NCALD: variants seen among roughly 807,000 people sequenced by gnomAD.
The protein encoded by NCALD is neurocalcin delta.
A neutral mutation model predicts 18.6 loss-of-function variants in NCALD; 10 were observed. The ratio of observed to expected loss-of-function variants is 0.54; its 90% CI spans 0.33 to 0.91. The LOEUF is 0.91. NCALD is among the 40% of genes least tolerant of loss of function. NCALD has a pLI of 0.03. For missense variants in NCALD, 184 were observed against 247.6 expected, an observed-to-expected ratio of 0.74 and a Z score of 1.72; for synonymous variants, 88 against 87.4, an observed-to-expected ratio of 1.01 and a Z score of -0.04.
chr8:101,893,161 T>C (rs997621333), intron 3 of NCALD, among the ~76,000 whole-genome samples: 3,164 of 151,780 alleles, frequency 0.021, 114 homozygotes, highest in African/African-American at 0.073. Flanking sequence ...TAACAGCGGA[T>C]CTCTCAGCAG....
upstream of NCALD, among the ~76,000 whole-genome samples, chr8:101,795,271 T>C (rs1318629658): frequency 1.3e-5 from 2 of 152,188 alleles, no homozygotes; most frequent in African/African-American, 4.8e-5. Flanking sequence ...GCAAAAATTT[T>C]AAGTGCCAGG....
intron 4 of NCALD, among the ~76,000 whole-genome samples, chr8:101,816,449 C>T (rs12334693): frequency 0.8 from 121,035 of 152,080 alleles, 48,335 homozygotes; most frequent in African/African-American, 0.85. Context: ...AAATAATTCA[C>T]ATCTTACTTT....
At chr8:101,760,586 G>A (rs994671505) in intron 1 of NCALD, among the ~76,000 whole-genome samples, 6 of 152,208 alleles carry the variant, frequency 3.9e-5, no homozygotes, top group Non-Finnish European at 7.3e-5. Flanking sequence ...AAAAGCCAGC[G>A]TGCATTCGTG....
intron 1 of NCALD, among the ~76,000 whole-genome samples, chr8:101,732,181 C>G (rs1419758226): frequency 6.6e-6 from 1 of 152,218 alleles, no homozygotes; most frequent in African/African-American, 2.4e-5. Context: ...GTCCGCTTAA[C>G]TAGGGTACTA....
intron 4 of NCALD, among the ~76,000 whole-genome samples, chr8:101,885,457 G>T (rs1237690430): frequency 6.6e-6 from 1 of 152,174 alleles, no homozygotes; most frequent in Non-Finnish European, 1.5e-5. Flanking sequence ...TGTTGAAGAA[G>T]CCATCCTCTT....
At chr8:101,781,711 A>T (rs991125294) in intron 1 of NCALD, among the ~76,000 whole-genome samples, 1 of 152,220 alleles carries the variant, frequency 6.6e-6, no homozygotes, top group African/African-American at 2.4e-5. Flanking sequence ...GAGTGAAATT[A>T]TCATCAATAT....
chr8:102,001,249 T>A (rs1412037597), intron 2 of NCALD, among the ~76,000 whole-genome samples: 2 of 152,176 alleles, frequency 1.3e-5, no homozygotes, highest in Non-Finnish European at 2.9e-5. Flanking sequence ...CAGTAGCTGA[T>A]TCGATCAACT....
At chr8:102,060,676 G>A (rs1823818502) in intron 1 of NCALD, among the ~76,000 whole-genome samples, 1 of 152,120 alleles carries the variant, frequency 6.6e-6, no homozygotes, top group Non-Finnish European at 1.5e-5. Flanking sequence ...TGCCAGGCAA[G>A]TACGGAAAAT....
chr8:101,767,211 T>C lies in NCALD; in HGVS notation c.-20+23651A>G, dbSNP rs756369193. Among the ~76,000 whole-genome samples, 3 of 152,178 alleles carry C rather than the reference T, an allele frequency of 2.0e-5. No individual in the cohort carries two copies. In the East Asian group the frequency reaches 5.8e-4, roughly 29 times the overall value. On this transcript the variant is annotated intron_variant, in intron 1 of 3. Coordinates refer to ENST00000220931, the MANE Select transcript of NCALD (RefSeq NM_032041.3). ...GTTATCTGTAAAGTCAAAATAATAA[T>C]AGATGTACTAGAATTATAATAAAAA... is the stretch of plus-strand genomic sequence containing the variant.
chr8:101,960,837 G>A (rs933815716), intron 2 of NCALD, among the ~76,000 whole-genome samples: 4 of 151,846 alleles, frequency 2.6e-5, no homozygotes, highest in African/African-American at 4.8e-5. Flanking sequence ...TGAATATACC[G>A]GCTCCTTCCC....
intron 1 of NCALD, among the ~76,000 whole-genome samples, chr8:101,764,515 G>A (rs1811263362): frequency 6.6e-6 from 1 of 152,310 alleles, no homozygotes; most frequent in African/African-American, 2.4e-5. Context: ...CATTGGAGTG[G>A]GTTTAGGATG....
intron 1 of NCALD, among the ~76,000 whole-genome samples, chr8:102,108,886 CA>C (rs1825558419): frequency 6.6e-6 from 1 of 152,158 alleles, no homozygotes; most frequent in South Asian, 2.1e-4. Context: ...ACCAGAAAAA[CA>C]GACAGAATTA....
At chr8:101,914,136 T>C (rs1817896088) in intron 3 of NCALD, among the ~76,000 whole-genome samples, 1 of 152,228 alleles carries the variant, frequency 6.6e-6, no homozygotes, top group Non-Finnish European at 1.5e-5. Flanking sequence ...CCACATTACA[T>C]TGAGTCATCA....
intron 2 of NCALD, among the ~76,000 whole-genome samples, chr8:101,697,411 T>C (rs543546546): frequency 3.8e-4 from 58 of 152,204 alleles, no homozygotes; most frequent in East Asian, 5.8e-4. Context: ...TCCCAAACAA[T>C]TGAAAAGGAA....
At chr8:101,802,970 A>G (rs972234644) in intron 4 of NCALD, among the ~76,000 whole-genome samples, 3 of 151,844 alleles carry the variant, frequency 2.0e-5, no homozygotes, top group African/African-American at 7.3e-5. Flanking sequence ...CAAGTTATGC[A>G]GAAGATCTAG....
At chr8:101,901,736 G>C (rs1817431192) in intron 3 of NCALD, among the ~76,000 whole-genome samples, 1 of 151,950 alleles carries the variant, frequency 6.6e-6, no homozygotes, top group African/African-American at 2.4e-5. Flanking sequence ...GAAAACTTAA[G>C]AGGAGAAGTA....
chr8:101,816,928 T>C (rs1455765137), intron 4 of NCALD, among the ~76,000 whole-genome samples: 1 of 152,118 alleles, frequency 6.6e-6, no homozygotes, highest in Non-Finnish European at 1.5e-5. Flanking sequence ...ATCTTCCTCT[T>C]AACTTTGCTA....
intron 1 of NCALD, among the ~76,000 whole-genome samples, chr8:102,088,976 A>G (rs1163283912): frequency 6.6e-6 from 1 of 152,208 alleles, no homozygotes; most frequent in Non-Finnish European, 1.5e-5. Flanking sequence ...AATCTGATAT[A>G]AAACTGGGAC....
chr8:102,086,508 C>A (rs1449546964), intron 1 of NCALD, among the ~76,000 whole-genome samples: 1 of 152,182 alleles, frequency 6.6e-6, no homozygotes, highest in East Asian at 1.9e-4. Context: ...CTAAATCCAG[C>A]CACTTCTCTC....
Sources: allele counts gnomAD v4.1 joint callset (sites outside exome capture counted in the v4.1 genomes callset), GRCh38; gene constraint gnomAD v4.1.1; transcripts MANE v1.5; gene names NCBI Gene and HGNC (gene_info 2026-07-23, HGNC 2026-07-21).